PALS2: variants seen among roughly 807,000 people sequenced by gnomAD.
PALS2 encodes protein associated with LIN7 2, MAGUK p55 family member.
Under a neutral mutation model 61.6 loss-of-function variants are expected in PALS2, and 27 were observed. The observed-to-expected ratio is 0.44, with a 90% CI of 0.32 to 0.60. The LOEUF is 0.60. Ranked by LOEUF, PALS2 falls within the 20% of genes least tolerant of loss-of-function variation. The pLI, the probability that PALS2 is intolerant of heterozygous loss-of-function variation, is 0.05. For missense variants in PALS2, 554 were observed against 639.4 expected (o/e 0.87, Z 1.44); for synonymous variants, 236 against 218.6 (o/e 1.08, Z -0.70).
chr7:24,625,941 C>G (rs985285017), intron 2 of PALS2, among the ~76,000 whole-genome samples: 5 of 152,014 alleles, frequency 3.3e-5, no homozygotes, highest in African/African-American at 1.2e-4. Flanking sequence ...GCCTAGCACT[C>G]TCAGTATAAC....
chr7:24,690,286 G>C lies in PALS2; in HGVS notation c.*2672G>C, dbSNP rs1788408573. On this transcript the variant is annotated 3_prime_UTR_variant, in exon 12 of 12. Transcript: ENST00000222644. ...GGGCAAACAGCCCCAGAGGTCCCAG[G>C]GTTCTTCCTAGGTAATGAGAGTATA... is the stretch of plus-strand genomic sequence containing the variant. 1 of 152,180 alleles carries C rather than the reference G, an allele frequency of 6.6e-6. No individual in the cohort carries two copies. The allele number at this position is 152,180 out of a possible 1,614,324, so 9.4% of individuals were successfully genotyped here.
intron 3 of PALS2, among the ~76,000 whole-genome samples, chr7:24,648,940 A>G (rs1450969016): frequency 6.6e-6 from 1 of 151,704 alleles, no homozygotes; most frequent in Non-Finnish European, 1.5e-5. Flanking sequence ...CTAGAAAGCT[A>G]GATCAAAACC....
chr7:24,581,997 C>T (rs1782863903), intron 1 of PALS2, among the ~76,000 whole-genome samples: 1 of 152,288 alleles, frequency 6.6e-6, no homozygotes, highest in Non-Finnish European at 1.5e-5. Flanking sequence ...AACTCTGGGT[C>T]ATCATTCTTA....
At chr7:24,685,900 G>C (rs114680016) in intron 11 of PALS2, among the ~76,000 whole-genome samples, 1 of 152,000 alleles carries the variant, frequency 6.6e-6, no homozygotes, top group African/African-American at 2.4e-5. Context: ...TTACATTCAT[G>C]CCATTGTTAT....
intron 5 of PALS2, among the ~76,000 whole-genome samples, chr7:24,662,764 A>T (rs1030991310): frequency 5.3e-5 from 6 of 112,590 alleles, no homozygotes; most frequent in African/African-American, 7.4e-5. Flanking sequence ...GTGAGACTCC[A>T]TCTGAAAAAA....
intron 1 of PALS2, among the ~76,000 whole-genome samples, chr7:24,605,477 T>TTA (rs1331302427): frequency 2.6e-5 from 4 of 152,204 alleles, no homozygotes; most frequent in African/African-American, 9.7e-5. Flanking sequence ...AAGATATTAC[T>TTA]TATATAAATA....
rs527493396 is a variant in PALS2, at chr7:24,588,514, C to T, written c.-3+14921C>T. On this transcript the variant is annotated intron_variant, in intron 1 of 11. Transcript: ENST00000222644. ...CAGCATTTTCATGTGCTTCAAGTCC[C>T]AGGTCTGGGTTGAGCTAGTTCTTGA... is the stretch of plus-strand genomic sequence containing the variant. 3.3e-5 allele frequency among the ~76,000 whole-genome samples: 5 copies of T among 152,132 alleles called. No homozygotes were observed. The East Asian group carries it at 9.6e-4, about 29-fold the overall frequency.
At chr7:24,599,609 A>AT (rs1783645261) in intron 1 of PALS2, among the ~76,000 whole-genome samples, 1 of 138,170 alleles carries the variant, frequency 7.2e-6, no homozygotes, top group Non-Finnish European at 1.5e-5. Flanking sequence ...GGTTCCAGTG[A>AT]TTTTCCCGTC....
chr7:24,678,971 A>G (rs569245143), intron 9 of PALS2, among the ~76,000 whole-genome samples, 160 bp from the exon 10 acceptor site: 5 of 152,348 alleles, frequency 3.3e-5, no homozygotes, highest in South Asian at 2.1e-4. Flanking sequence ...CTGTGGTCCA[A>G]TAAAACTTTA....
At chr7:24,661,005 T>G (rs1040127521) in intron 5 of PALS2, among the ~76,000 whole-genome samples, 2 of 152,224 alleles carry the variant, frequency 1.3e-5, no homozygotes, top group African/African-American at 4.8e-5. Context: ...TGTACTTCCT[T>G]TTCTTTGTAC....
intron 4 of PALS2, 48 bp from the exon 5 acceptor site, chr7:24,650,437 C>A: frequency 7.2e-7 from 1 of 1,381,558 alleles, no homozygotes; most frequent in Non-Finnish European, 9.9e-7. Context: ...AATATTTAAG[C>A]ATTTCTCCCT....
intron 1 of PALS2, among the ~76,000 whole-genome samples, chr7:24,609,086 A>AG (rs1426239327): frequency 6.6e-6 from 1 of 152,160 alleles, no homozygotes; most frequent in Non-Finnish European, 1.5e-5. Flanking sequence ...TCTCAGCACC[A>AG]TCTGTTTTTC....
intron 11 of PALS2, among the ~76,000 whole-genome samples, chr7:24,682,581 T>A (rs1483880169): frequency 6.6e-6 from 1 of 152,308 alleles, no homozygotes; most frequent in African/African-American, 2.4e-5. Context: ...GTTTTCTGTC[T>A]TTCTATGATC....
At position 24,687,410 on chromosome 7, in the gene PALS2, A is replaced by G. The variant is rs1282271333; in HGVS notation, c.1447-28A>G. ...GCAAGTAAATATGCATTGTAATACA[A>G]ACATTTCCTTTTAAAACTCTTCAAC... On this transcript the variant is annotated intron_variant, in intron 11 of 11. Coordinates refer to ENST00000222644, the MANE Select transcript of PALS2 (RefSeq NM_001303037.2). The surrounding 1 kb of genome is among the most constrained non-coding windows in gnomAD (Gnocchi z 4.5). 1.9e-6 allele frequency: 3 copies of G among 1,582,928 alleles called. No homozygotes were observed. The highest frequency in any genetic ancestry group is 1.8e-5 in the Admixed American group (1 of 56,132).
intron 3 of PALS2, among the ~76,000 whole-genome samples, chr7:24,645,566 G>T (rs1050125514): frequency 6.6e-6 from 1 of 152,038 alleles, no homozygotes; most frequent in African/African-American, 2.4e-5. Flanking sequence ...CCCCAGCTTT[G>T]TTCTTTTTGC....
chr7:24,693,139 A>G lies in PALS2; in HGVS notation c.*5525A>G, dbSNP rs1049356019. On this transcript the variant is annotated 3_prime_UTR_variant, in exon 12 of 12. Coordinates refer to ENST00000222644, the MANE Select transcript of PALS2 (RefSeq NM_001303037.2). ...CAGTGTAAATGGAATGAACACATCTATAGTTAAGGTAAATGCCACCAATCA... is the reference window on the plus strand; with the variant it reads ...CAGTGTAAATGGAATGAACACATCTGTAGTTAAGGTAAATGCCACCAATCA... The G allele has an allele frequency of 5.9e-5, 9 of 152,136 alleles. No individual in the cohort carries two copies. Among genetic ancestry groups the G allele is most frequent in the Non-Finnish European group, 1.3e-4 (9 of 68,002 alleles). The allele number at this position is 152,136 out of a possible 1,614,324, so 9.4% of individuals were successfully genotyped here. A position where few individuals can be genotyped will look rare whatever the true frequency, so the allele number is the denominator to read the frequency against.
chr7:24,619,146 C>T (rs1784399326), intron 1 of PALS2, among the ~76,000 whole-genome samples: 1 of 152,170 alleles, frequency 6.6e-6, no homozygotes, highest in Admixed American at 6.5e-5. Flanking sequence ...TAATAGTTTA[C>T]TCATACTTTC....
rs1786270110 is a variant in PALS2 at position 24,653,565 on chromosome 7, A to G, written c.651+2853A>G. 2.0e-5 allele frequency among the ~76,000 whole-genome samples: 3 copies of G among 152,158 alleles called. No individual in the cohort carries two copies. The South Asian group carries it at 6.2e-4, about 32-fold the overall frequency. The stretch of plus-strand genomic sequence containing the variant: ...AAATTCCACTTTCGTTTTCATTATA[A>G]AATGAAAAAGCCCTCACAAACCATG... On this transcript the variant is annotated intron_variant, in intron 5 of 11. Coordinates refer to ENST00000222644, the MANE Select transcript of PALS2 (RefSeq NM_001303037.2).
chr7:24,574,941 TAGTAGGC>T (rs749691995), intron 1 of PALS2, among the ~76,000 whole-genome samples: 13 of 152,160 alleles, frequency 8.5e-5, no homozygotes, highest in Non-Finnish European at 1.2e-4. Flanking sequence ...GGGTAGTGGG[TAGTAGGC>T]CTGATTATAG....
Sources: allele counts gnomAD v4.1 joint callset (sites outside exome capture counted in the v4.1 genomes callset), GRCh38; gene constraint gnomAD v4.1.1; non-coding constraint Gnocchi (gnomAD v3.1); transcripts MANE v1.5; gene names NCBI Gene and HGNC (gene_info 2026-07-23, HGNC 2026-07-21).